CD82: variants seen among roughly 807,000 people sequenced by gnomAD.
CD82 encodes CD82 molecule.
In CD82, 36 loss-of-function variants were observed where a neutral mutation model predicts 37.4. That is an observed-to-expected ratio of 0.96 (90% CI 0.74 to 1.27). The LOEUF is 1.27. Among genes scored for constraint, CD82 ranks in the 50% most tolerant of loss-of-function variants. CD82 has a pLI of 0.00. For synonymous variants in CD82, 158 were observed against 137.4 expected (o/e 1.15, Z -1.05); for missense variants, 340 against 347.0 (o/e 0.98, Z 0.16).
At position 44,619,758 on chromosome 11, in the gene CD82, C is replaced by T. The variant is rs1370024212; in HGVS notation, c.*632C>T. On this transcript the variant is annotated 3_prime_UTR_variant, in exon 10 of 10. Coordinates refer to ENST00000227155, the MANE Select transcript of CD82 (RefSeq NM_002231.4). ...CAGCCTGGGGGACAGAAAGAGACTC[C>T]GTCTCAAAAAAAAAAAAAAAAAAAA... is the stretch of plus-strand genomic sequence containing the variant. 3.8e-5 allele frequency: 4 copies of T among 105,568 alleles called. No individual in the cohort carries two copies. Among genetic ancestry groups the T allele is most frequent in the African/African-American group, 8.8e-5 (2 of 22,724 alleles). The allele number at this position is 105,568 out of a possible 1,614,324, so 6.5% of individuals were successfully genotyped here.
At position 44,619,082 on chromosome 11, in the gene CD82, C is replaced by A; in HGVS notation, c.760C>A (p.Arg254=). The part of the protein sequence containing the change: ...LGMVLSICLC[R]HVHSEDYSKV... ...GATGGTCCTGTCCATCTGCTTGTGC[C>A]GGCACGTCCATTCCGAAGACTACAG... The change falls in exon 10 of 10, where the codon CGG becomes AGG. Residue 254 remains arginine, a synonymous_variant. Coordinates refer to ENST00000227155, the MANE Select transcript of CD82 (RefSeq NM_002231.4). 6.2e-7 allele frequency: 1 copy of A among 1,613,400 alleles called. No individual in the cohort carries two copies. The highest frequency in any genetic ancestry group is 8.5e-7 in the Non-Finnish European group (1 of 1,179,826).
At chr11:44,607,601 A>G (rs1293004192) in intron 6 of CD82, among the ~76,000 whole-genome samples, 2 of 152,248 alleles carry the variant, frequency 1.3e-5, no homozygotes, top group East Asian at 3.8e-4. Flanking sequence ...ATGGCCCACC[A>G]GGTTGGCACC....
At chr11:44,610,688 T>A (rs1236291055) in intron 6 of CD82, among the ~76,000 whole-genome samples, 2 of 152,146 alleles carry the variant, frequency 1.3e-5, no homozygotes, top group Non-Finnish European at 2.9e-5. Flanking sequence ...ATCTATGTGA[T>A]CTTGGGAAGT....
intron 1 of CD82, among the ~76,000 whole-genome samples, chr11:44,569,041 G>C (rs566004431): frequency 1.3e-5 from 2 of 152,374 alleles, no homozygotes; most frequent in Admixed American, 1.3e-4. Flanking sequence ...AGCTGGCTCT[G>C]TGAGAGGTGG....
chr11:44,564,478 G>T (rs1203764031), upstream of CD82: 1 of 456,302 alleles, frequency 2.2e-6, no homozygotes, highest in East Asian at 6.9e-5. Context: ...AGCTGCACAG[G>T]TGAATGCCCC....
intron 5 of CD82, 31 bp from the exon 6 acceptor site, chr11:44,605,324 A>G: frequency 2.5e-6 from 4 of 1,613,726 alleles, no homozygotes; most frequent in Non-Finnish European, 3.4e-6. Context: ...GGGGACCCTC[A>G]GCTGACTTTG....
intron 1 of CD82, chr11:44,573,203 G>A (rs1322240181): frequency 1.1e-5 from 1 of 92,014 alleles, no homozygotes; most frequent in Non-Finnish European, 2.7e-5. Context: ...GTGTTCCCAC[G>A]TGTACACATA....
Position 44,587,674 on chromosome 11 carries a change from G to A in CD82, c.-21+118G>A, listed in dbSNP as rs1436548316. 4 of 440,972 alleles carry A rather than the reference G, an allele frequency of 9.1e-6. No homozygotes were observed. In the East Asian group the frequency reaches 2.8e-4, roughly 31 times the overall value. The allele number at this position is 440,972 out of a possible 1,614,324, so 27.3% of individuals were successfully genotyped here. A position where few individuals can be genotyped will look rare whatever the true frequency, so the allele number is the denominator to read the frequency against. Reference sequence around the variant, plus strand: ...TTCAGTCTGAGCCACCAGGTGGGTGGAGGGACCACTTCTTCCCCTTCTCTG... The same window carrying A: ...TTCAGTCTGAGCCACCAGGTGGGTGAAGGGACCACTTCTTCCCCTTCTCTG... On this transcript the variant is annotated intron_variant, in intron 2 of 9. Coordinates refer to ENST00000227155, the MANE Select transcript of CD82 (RefSeq NM_002231.4).
At chr11:44,613,707 C>T (rs1853519795) in intron 6 of CD82, among the ~76,000 whole-genome samples, 1 of 152,138 alleles carries the variant, frequency 6.6e-6, no homozygotes, top group South Asian at 2.1e-4. Context: ...CCTGTAGCCC[C>T]AGCTACCTGG....
chr11:44,570,647 G>A (rs1411833711), intron 1 of CD82, among the ~76,000 whole-genome samples: 2 of 152,202 alleles, frequency 1.3e-5, no homozygotes, highest in Admixed American at 1.3e-4. Flanking sequence ...CTGGATCCAG[G>A]GAGATGGGAA....
At chr11:44,605,314 G>A (rs370471062) in intron 5 of CD82, 41 bp from the exon 6 acceptor site, 8 of 1,612,700 alleles carry the variant, frequency 5.0e-6, no homozygotes, top group Admixed American at 1.7e-5. Flanking sequence ...GCACCTGGTC[G>A]GGGACCCTCA....
chr11:44,585,860 G>A (rs536443078), intron 1 of CD82, among the ~76,000 whole-genome samples: 1 of 152,348 alleles, frequency 6.6e-6, no homozygotes, highest in Admixed American at 6.5e-5. Context: ...GAAAAACGCA[G>A]TGATCTCAAA....
intron 6 of CD82, among the ~76,000 whole-genome samples, chr11:44,611,541 C>T (rs1590349025): frequency 6.6e-6 from 1 of 152,328 alleles, no homozygotes; most frequent in East Asian, 1.9e-4. Flanking sequence ...AGTGGGGCCT[C>T]CTCAGCTCCA....
At chr11:44,586,511 C>T (rs932162116) in intron 1 of CD82, among the ~76,000 whole-genome samples, 2 of 152,144 alleles carry the variant, frequency 1.3e-5, no homozygotes, top group Non-Finnish European at 2.9e-5. Context: ...AAATAATCAG[C>T]CAGGCATCGT....
chr11:44,572,744 G>A (rs1046253649), intron 1 of CD82, among the ~76,000 whole-genome samples: 5 of 152,250 alleles, frequency 3.3e-5, no homozygotes, highest in African/African-American at 7.2e-5. Context: ...TGACCATTCT[G>A]AGCCTCAGTT....
intron 1 of CD82, among the ~76,000 whole-genome samples, chr11:44,569,083 T>C (rs1590322786): frequency 6.6e-6 from 1 of 152,262 alleles, no homozygotes; most frequent in East Asian, 1.9e-4. Context: ...CTGTTTGGCC[T>C]GGGCCCCTCT....
At chr11:44,577,644 T>A (rs936251291) in intron 1 of CD82, among the ~76,000 whole-genome samples, 4 of 152,210 alleles carry the variant, frequency 2.6e-5, no homozygotes, top group African/African-American at 7.2e-5. Flanking sequence ...CTCTGAACCC[T>A]GGTTTCCTTC....
At chr11:44,602,142 G>A (rs1400329935) in intron 4 of CD82, among the ~76,000 whole-genome samples, 2 of 152,188 alleles carry the variant, frequency 1.3e-5, no homozygotes, top group Non-Finnish European at 2.9e-5. Flanking sequence ...TAGCTTCCGA[G>A]CCCGTGCCTT....
At chr11:44,606,096 A>T (rs1853391190) in intron 6 of CD82, 1 of 151,906 alleles carries the variant, frequency 6.6e-6, no homozygotes, top group Admixed American at 6.5e-5. Flanking sequence ...CTGCATTATG[A>T]CACTTACCTC....
Sources: gnomAD v4.1 joint callset for allele counts (sites outside exome capture counted in the v4.1 genomes callset) on GRCh38, gnomAD v4.1.1 for gene constraint, MANE v1.5 for transcripts, NCBI Gene and HGNC (gene_info 2026-07-23, HGNC 2026-07-21) for gene names.